The following TTLL5 variants were observed in gnomAD, a reference collection of about 807,000 sequenced individuals.
The protein encoded by TTLL5 is tubulin tyrosine ligase like 5.
Under a neutral mutation model 168.4 loss-of-function variants are expected in TTLL5, and 132 were observed. The observed-to-expected ratio is 0.78, with a 90% CI of 0.68 to 0.91. The LOEUF (loss-of-function observed/expected upper bound fraction) is 0.91, where lower values mean the gene tolerates loss of function less well. TTLL5 is among the 40% of genes least tolerant of loss of function. TTLL5 has a pLI of 0.00. For synonymous variants in TTLL5, 546 were observed against 558.6 expected (o/e 0.98, Z 0.32); for missense variants, 1,545 against 1,581.5 (o/e 0.98, Z 0.39).
At chr14:75,877,777 T>C (rs1212419573) in intron 29 of TTLL5, among the ~76,000 whole-genome samples, 1 of 152,204 alleles carries the variant, frequency 6.6e-6, no homozygotes, top group Admixed American at 6.5e-5. Context: ...ACAATTCACA[T>C]GATGGAGCAG....
chr14:75,738,817 T>G (rs1315687020), intron 15 of TTLL5, among the ~76,000 whole-genome samples: 1 of 152,254 alleles, frequency 6.6e-6, no homozygotes, highest in South Asian at 2.1e-4. Context: ...TTTTACTTAC[T>G]TATTTGAGAC....
At chr14:75,925,258 G>A (rs1048186054) in intron 31 of TTLL5, among the ~76,000 whole-genome samples, 3 of 151,486 alleles carry the variant, frequency 2.0e-5, no homozygotes, top group South Asian at 2.1e-4. Flanking sequence ...CCTCCCGGAC[G>A]GGGTGGCTGC....
At chr14:75,851,732 T>G (rs984974260) in intron 28 of TTLL5, among the ~76,000 whole-genome samples, 1 of 152,172 alleles carries the variant, frequency 6.6e-6, no homozygotes, top group Non-Finnish European at 1.5e-5. Context: ...CACATCTGAG[T>G]GATTCTGGCG....
chr14:75,926,066 G>A (rs1017508407), intron 31 of TTLL5, among the ~76,000 whole-genome samples: 1 of 149,786 alleles, frequency 6.7e-6, no homozygotes, highest in African/African-American at 2.5e-5. Flanking sequence ...GAGACCGTGG[G>A]CCGTGGGCCG....
rs116244227 is a variant in TTLL5, at chr14:75,930,655, C to T, written c.3824-23769C>T. 9,701 of 984,974 alleles carry T rather than the reference C, an allele frequency of 9.8e-3. 64 individuals are homozygous for T. Among genetic ancestry groups the T allele is most frequent in the Non-Finnish European group, 0.011 (9,042 of 829,718 alleles). 61.0% of individuals were successfully genotyped at this position (984,974 alleles called of 1,614,324 possible). ...CAGAGGTCAAGTGGGAGATAAGTGA[C>T]GGGGGGAAATGCAAAAATAGGATTA... On this transcript the variant is annotated intron_variant, in intron 31 of 31. Transcript: ENST00000298832.
intron 7 of TTLL5, 70 bp downstream of exon 7, chr14:75,699,340 A>T: frequency 3.8e-6 from 5 of 1,316,862 alleles, no homozygotes; most frequent in Non-Finnish European, 2.2e-6. Flanking sequence ...TGTATTGGTT[A>T]CTAATATAGT....
At chr14:75,755,274 ATAAT>A (rs753260028) in intron 18 of TTLL5, among the ~76,000 whole-genome samples, 5 of 147,114 alleles carry the variant, frequency 3.4e-5, no homozygotes, top group African/African-American at 1.0e-4. Context: ...TCCAAAAATA[ATAAT>A]AATAATAATA....
At chr14:75,782,365 C>T (rs1405887847) in intron 24 of TTLL5, 122 bp from the exon 25 acceptor site, 6 of 699,872 alleles carry the variant, frequency 8.6e-6, no homozygotes, top group South Asian at 2.4e-5. Flanking sequence ...TGTGATGAGA[C>T]GTGCCATGTT....
chr14:75,746,560 T>TTC (rs1889627726), intron 17 of TTLL5, among the ~76,000 whole-genome samples: 1 of 144,228 alleles, frequency 6.9e-6, no homozygotes, highest in African/African-American at 2.5e-5. Flanking sequence ...TTCTTTTCTT[T>TTC]TTTTTTTTTT....
At chr14:75,816,388 C>A (rs1894397178) in intron 27 of TTLL5, among the ~76,000 whole-genome samples, 1 of 152,136 alleles carries the variant, frequency 6.6e-6, no homozygotes, top group South Asian at 2.1e-4. Context: ...CCACTGCACT[C>A]CAACAGAGTG....
At chr14:75,865,353 A>G (rs1023407876) in intron 29 of TTLL5, among the ~76,000 whole-genome samples, 3 of 152,058 alleles carry the variant, frequency 2.0e-5, no homozygotes, top group Non-Finnish European at 4.4e-5. Context: ...GAGAATGCCA[A>G]CTTAATCAGA....
chr14:75,734,457 A>G (rs759507523), intron 14 of TTLL5, among the ~76,000 whole-genome samples: 25 of 152,208 alleles, frequency 1.6e-4, no homozygotes, highest in Non-Finnish European at 3.5e-4. Flanking sequence ...CAGCCCAAAG[A>G]AGAAATCTCA....
At chr14:75,811,156 A>AGTGTGTGT (rs148883248) in intron 27 of TTLL5, among the ~76,000 whole-genome samples, 24 of 116,598 alleles carry the variant, frequency 2.1e-4, no homozygotes, top group South Asian at 6.2e-4. Flanking sequence ...TGAAAGAAAG[A>AGTGTGTGT]GTGTGTGTGT....
At chr14:75,662,925 A>T in intron 1 of TTLL5, 130 bp from the exon 2 acceptor site, 1 of 629,542 alleles carries the variant, frequency 1.6e-6, no homozygotes, top group Non-Finnish European at 2.9e-6. Context: ...ATGGAAAGTA[A>T]ACTTCTAGAG....
intron 27 of TTLL5, among the ~76,000 whole-genome samples, 164 bp from the exon 28 acceptor site, chr14:75,819,843 T>C (rs965642304): frequency 2.0e-5 from 3 of 152,220 alleles, no homozygotes; most frequent in African/African-American, 7.2e-5. Flanking sequence ...CTTCTGCTCT[T>C]TGTGCACAGG....
chr14:75,698,563 C>A (rs1886027545), intron 6 of TTLL5, among the ~76,000 whole-genome samples: 1 of 152,114 alleles, frequency 6.6e-6, no homozygotes, highest in Non-Finnish European at 1.5e-5. Flanking sequence ...CAGTAATAGA[C>A]TAACATCCAG....
intron 31 of TTLL5, among the ~76,000 whole-genome samples, chr14:75,902,801 T>C (rs2032980936): frequency 1.3e-5 from 2 of 152,196 alleles, no homozygotes; most frequent in African/African-American, 4.8e-5. Flanking sequence ...TGAATAATAA[T>C]TAATAAAAAT....
chr14:75,757,980 T>G, intron 18 of TTLL5: 3 of 1,120,078 alleles, frequency 2.7e-6, no homozygotes, highest in Non-Finnish European at 3.5e-6. Flanking sequence ...TCAGCTTGAA[T>G]AGTAACATAA....
At chr14:75,748,783 T>G (rs959859618) in intron 17 of TTLL5, among the ~76,000 whole-genome samples, 1 of 152,222 alleles carries the variant, frequency 6.6e-6, no homozygotes, top group African/African-American at 2.4e-5. Context: ...TCAGACTTCT[T>G]AATTTTTGTC....
Sources: allele counts gnomAD v4.1 joint callset (sites outside exome capture counted in the v4.1 genomes callset), GRCh38; gene constraint gnomAD v4.1.1; transcripts MANE v1.5; gene names NCBI Gene and HGNC (gene_info 2026-07-23, HGNC 2026-07-21).